The following ATG10 variants were observed in gnomAD, a reference collection of about 807,000 sequenced individuals.
ATG10 encodes the protein ubiquitin-like-conjugating enzyme ATG10.
Under a neutral mutation model 32.1 loss-of-function variants are expected in ATG10, and 30 were observed. That is an observed-to-expected ratio of 0.94 (90% CI 0.70 to 1.27). The LOEUF (loss-of-function observed/expected upper bound fraction) is 1.27, where lower values mean the gene tolerates loss of function less well. ATG10 is among the 50% of genes most tolerant of loss of function. The pLI, the probability that ATG10 is intolerant of heterozygous loss-of-function variation, is 0.00. For missense variants in ATG10, 233 were observed against 262.3 expected (o/e 0.89, Z 0.77); for synonymous variants, 87 against 91.5 (o/e 0.95, Z 0.28).
At chr5:82,066,386 A>G (rs1006593861) in intron 3 of ATG10, among the ~76,000 whole-genome samples, 1 of 152,112 alleles carries the variant, frequency 6.6e-6, no homozygotes, top group Non-Finnish European at 1.5e-5. Context: ...AGCATATTTT[A>G]TTTATCCATT....
chr5:82,195,234 C>CT (rs1744808690), intron 5 of ATG10, among the ~76,000 whole-genome samples: 1 of 152,286 alleles, frequency 6.6e-6, no homozygotes, highest in Admixed American at 6.5e-5. Context: ...TTCCTCCTGT[C>CT]TTTTTCTGGC....
At position 82,224,487 on chromosome 5, in the gene ATG10, T is replaced by C. The variant is rs146189766; in HGVS notation, c.454-28075T>C. Among the ~76,000 whole-genome samples the C allele has an allele frequency of 2.8e-3, 433 of 152,282 alleles. 4 individuals carry two copies. The highest frequency in any genetic ancestry group is 9.8e-3 in the African/African-American group (409 of 41,558). On this transcript the variant is annotated intron_variant, in intron 5 of 7. Transcript: ENST00000282185. ...AGCAAGGGAGTAGTTAGAAATAATT[T>C]TGAGCAAGGGAGTGGCATAAAATTA...
chr5:82,039,933 T>G (rs1390539203), intron 2 of ATG10, among the ~76,000 whole-genome samples: 2 of 152,226 alleles, frequency 1.3e-5, no homozygotes, highest in Admixed American at 6.5e-5. Flanking sequence ...TTGGAGGGCC[T>G]AAGATGGCTT....
chr5:82,007,548 G>T (rs1185384272), intron 2 of ATG10, among the ~76,000 whole-genome samples: 1 of 152,134 alleles, frequency 6.6e-6, no homozygotes, highest in African/African-American at 2.4e-5. Context: ...CGCCTACTGG[G>T]CTCAAGTGAT....
chr5:82,034,773 G>T (rs1290584903), intron 2 of ATG10, among the ~76,000 whole-genome samples: 1 of 151,894 alleles, frequency 6.6e-6, no homozygotes, highest in East Asian at 1.9e-4. Context: ...TTTATGACTT[G>T]CCCCCTTACT....
chr5:82,177,718 ATTGT>A (rs1744086616), intron 4 of ATG10, among the ~76,000 whole-genome samples: 1 of 152,086 alleles, frequency 6.6e-6, no homozygotes, highest in African/African-American at 2.4e-5. Context: ...TGTAAAATAC[ATTGT>A]TTGGGTGGAT....
chr5:82,193,524 C>A (rs576115853), intron 5 of ATG10, among the ~76,000 whole-genome samples: 5 of 152,180 alleles, frequency 3.3e-5, no homozygotes, highest in Non-Finnish European at 7.3e-5. Context: ...ATAGTCAGAA[C>A]AAGGCAAAGC....
chr5:82,128,292 T>C (rs1387317017), intron 3 of ATG10, among the ~76,000 whole-genome samples: 2 of 152,000 alleles, frequency 1.3e-5, no homozygotes, highest in Non-Finnish European at 2.9e-5. Flanking sequence ...GTTACATTTA[T>C]GGTTAATATT....
At chr5:82,172,220 T>C (rs1743835486) in intron 4 of ATG10, among the ~76,000 whole-genome samples, 1 of 152,198 alleles carries the variant, frequency 6.6e-6, no homozygotes. Flanking sequence ...ACAACTAATA[T>C]GCATGTATAA....
At chr5:82,123,191 G>A (rs1013958691) in intron 3 of ATG10, among the ~76,000 whole-genome samples, 12 of 152,208 alleles carry the variant, frequency 7.9e-5, no homozygotes, top group African/African-American at 2.9e-4. Context: ...AAAAAAGAAT[G>A]CGGTCATGTA....
At chr5:82,154,775 A>C (rs1767743086) in intron 3 of ATG10, among the ~76,000 whole-genome samples, 1 of 152,238 alleles carries the variant, frequency 6.6e-6, no homozygotes, top group Non-Finnish European at 1.5e-5. Context: ...AGTGCCTGGC[A>C]CGTCATAGAT....
At chr5:82,005,671 T>C (rs1214509486) in intron 2 of ATG10, among the ~76,000 whole-genome samples, 1 of 152,206 alleles carries the variant, frequency 6.6e-6, no homozygotes, top group Non-Finnish European at 1.5e-5. Context: ...TTGATTTTTG[T>C]GTTTCAGTTT....
chr5:82,016,648 T>G (rs567051640), intron 2 of ATG10, among the ~76,000 whole-genome samples: 2 of 152,210 alleles, frequency 1.3e-5, no homozygotes. Context: ...GGAATTGCAC[T>G]GAATTTGTAG....
rs78203082 is a variant in ATG10 at position 82,149,350 on chromosome 5, G to A, written c.217-15049G>A. On this transcript the variant is annotated intron_variant, in intron 3 of 7. Coordinates refer to ENST00000282185, the MANE Select transcript of ATG10 (RefSeq NM_031482.5). ...TTCCCTTACTTGTGCTCCTGAAATCGCTTTCCAAATAGATTATTTACACTC... is the reference window on the plus strand; with the variant it reads ...TTCCCTTACTTGTGCTCCTGAAATCACTTTCCAAATAGATTATTTACACTC... Among the ~76,000 whole-genome samples, 724 of 150,804 alleles carry A rather than the reference G, an allele frequency of 4.8e-3. 36 individuals carry two copies. The East Asian group carries it at 0.12, about 25-fold the overall frequency.
intron 3 of ATG10, among the ~76,000 whole-genome samples, chr5:82,139,960 G>A (rs1213081842): frequency 2.3e-5 from 3 of 127,728 alleles, no homozygotes; most frequent in Non-Finnish European, 3.4e-5. Flanking sequence ...CCCTCCGCCC[G>A]GCCAGCCGCC....
At chr5:82,139,695 C>T (rs1245148894) in intron 3 of ATG10, among the ~76,000 whole-genome samples, 1 of 144,988 alleles carries the variant, frequency 6.9e-6, no homozygotes, top group Non-Finnish European at 1.5e-5. Context: ...GCAGCCACCC[C>T]GTCCGGGAGG....
chr5:82,233,721 C>T (rs1162372830), intron 5 of ATG10, among the ~76,000 whole-genome samples: 3 of 152,190 alleles, frequency 2.0e-5, no homozygotes, highest in African/African-American at 7.2e-5. Context: ...CCCTCAACTT[C>T]CTTACCTGTC....
intron 3 of ATG10, among the ~76,000 whole-genome samples, chr5:82,073,893 G>T (rs1764199059): frequency 6.6e-6 from 1 of 152,284 alleles, no homozygotes; most frequent in African/African-American, 2.4e-5. Flanking sequence ...CAGCTTTACT[G>T]TTTCAGAATA....
intron 5 of ATG10, among the ~76,000 whole-genome samples, chr5:82,248,212 C>T (rs923416645): frequency 8.5e-5 from 13 of 152,212 alleles, no homozygotes; most frequent in Non-Finnish European, 1.3e-4. Context: ...TCCAGAATGT[C>T]CCCATTAAAT....
Sources: gnomAD v4.1 joint callset for allele counts (sites outside exome capture counted in the v4.1 genomes callset) on GRCh38, gnomAD v4.1.1 for gene constraint, MANE v1.5 for transcripts, NCBI Gene and HGNC (gene_info 2026-07-23, HGNC 2026-07-21) for gene names.